ULK4: variants seen among roughly 807,000 people sequenced by gnomAD.
The protein encoded by ULK4 is unc-51 like kinase 4.
A neutral mutation model predicts 160.6 loss-of-function variants in ULK4; 133 were observed. That is an observed-to-expected ratio of 0.83 (90% CI 0.72 to 0.96). ULK4 has a LOEUF of 0.96. ULK4 is among the 40% of genes least tolerant of loss of function. The pLI, the probability that ULK4 is intolerant of heterozygous loss-of-function variation, is 0.00. For missense variants in ULK4, 1,580 were observed against 1,499.5 expected (o/e 1.05, Z -0.89); for synonymous variants, 534 against 539.8 (o/e 0.99, Z 0.15).
At chr3:41,372,146 G>C (rs1027697214) in intron 35 of ULK4, among the ~76,000 whole-genome samples, 2 of 152,066 alleles carry the variant, frequency 1.3e-5, no homozygotes, top group Non-Finnish European at 2.9e-5. Flanking sequence ...GGGATTATGT[G>C]AAAAGACCAA....
intron 34 of ULK4, among the ~76,000 whole-genome samples, chr3:41,404,499 G>A (rs954315684): frequency 2.0e-5 from 3 of 152,080 alleles, no homozygotes; most frequent in African/African-American, 7.2e-5. Context: ...TAGATAGCAT[G>A]CTGTTGGATC....
intron 2 of ULK4, among the ~76,000 whole-genome samples, chr3:41,943,079 G>C (rs1700008847): frequency 6.6e-6 from 1 of 151,974 alleles, no homozygotes; most frequent in East Asian, 1.9e-4. Context: ...CGGGCATGGT[G>C]GTGGGCACCT....
intron 21 of ULK4, chr3:41,766,826 G>A (rs1157125427): frequency 2.6e-5 from 4 of 152,220 alleles, no homozygotes; most frequent in African/African-American, 9.7e-5. Flanking sequence ...CCATGAGGGA[G>A]GAAGGGGACA....
intron 32 of ULK4, among the ~76,000 whole-genome samples, chr3:41,519,648 C>T (rs913704504): frequency 6.6e-6 from 1 of 152,104 alleles, no homozygotes; most frequent in Non-Finnish European, 1.5e-5. Flanking sequence ...AAGCCTTAAA[C>T]ATAAGACACA....
intron 30 of ULK4, among the ~76,000 whole-genome samples, chr3:41,624,038 C>T (rs1681930348): frequency 6.6e-6 from 1 of 151,970 alleles, no homozygotes. Flanking sequence ...TCAATGAAAA[C>T]AGTTTTGGTG....
At chr3:41,531,273 C>G (rs2086301331) in intron 32 of ULK4, among the ~76,000 whole-genome samples, 1 of 150,776 alleles carries the variant, frequency 6.6e-6, no homozygotes, top group Non-Finnish European at 1.5e-5. Flanking sequence ...AACCCTGTCT[C>G]TACTAAAAAT....
intron 19 of ULK4, among the ~76,000 whole-genome samples, chr3:41,807,313 T>C (rs2040676078): frequency 1.3e-5 from 2 of 152,160 alleles, no homozygotes; most frequent in African/African-American, 2.4e-5. Flanking sequence ...ATGATTATAA[T>C]AGGTCTTGGA....
Position 41,374,530 on chromosome 3 carries a change from A to G in ULK4, c.3678+23549T>C, listed in dbSNP as rs187246399. ...TCCATCATAGAAAAAGAACCCATGG[A>G]AAAAAACACATGATTATCTCAATAG... On this transcript the variant is annotated intron_variant, in intron 35 of 36. Coordinates refer to ENST00000301831, the MANE Select transcript of ULK4 (RefSeq NM_017886.4). Among the ~76,000 whole-genome samples, 148 of 152,122 alleles carry G rather than the reference A, an allele frequency of 9.7e-4. 1 individual carries two copies. The highest frequency in any genetic ancestry group is 1.7e-3 in the Non-Finnish European group (117 of 67,930).
intron 20 of ULK4, among the ~76,000 whole-genome samples, chr3:41,793,139 T>C (rs368101022): frequency 1.3e-5 from 2 of 151,808 alleles, no homozygotes; most frequent in African/African-American, 4.8e-5. Flanking sequence ...TGCCACTGCA[T>C]TCCAGCCTGG....
intron 17 of ULK4, among the ~76,000 whole-genome samples, chr3:41,844,915 T>G (rs2042029364): frequency 1.3e-5 from 2 of 152,062 alleles, no homozygotes; most frequent in South Asian, 4.1e-4. Context: ...TGTAAATGGA[T>G]GTTTATAGCA....
chr3:41,867,126 GTTCA>G (rs1288766756), intron 17 of ULK4, among the ~76,000 whole-genome samples: 4 of 152,104 alleles, frequency 2.6e-5, no homozygotes, highest in Admixed American at 2.6e-4. Flanking sequence ...TACTTATCGA[GTTCA>G]TTGAGTTCAG....
intron 34 of ULK4, among the ~76,000 whole-genome samples, chr3:41,403,151 CA>C (rs34741515): frequency 0.21 from 28,069 of 133,166 alleles, 2,695 homozygotes; most frequent in Admixed American, 0.24. Context: ...AACTCCGTCT[CA>C]AAAAAAAAAA....
rs1281974360 is a variant in ULK4, at chr3:41,493,524, A to G, written c.3227-30271T>C. ...TGACATCACAATTAAAAGAACTAGA[A>G]AAGCAAGAGCAAACACATTCAAAAG... is the stretch of plus-strand genomic sequence containing the variant. On this transcript the variant is annotated intron_variant, in intron 32 of 36. Coordinates refer to ENST00000301831, the MANE Select transcript of ULK4 (RefSeq NM_017886.4). Among the ~76,000 whole-genome samples the G allele has an allele frequency of 5.7e-5, 7 of 122,060 alleles. 1 individual carries two copies. Among genetic ancestry groups the G allele is most frequent in the African/African-American group, 1.9e-4 (6 of 31,960 alleles). The allele number at this position is 122,060 out of a possible 152,430, so 80.1% of individuals were successfully genotyped here. A position where few individuals can be genotyped will look rare whatever the true frequency, so the allele number is the denominator to read the frequency against.
chr3:41,459,720 T>C (rs1383677218), intron 33 of ULK4, among the ~76,000 whole-genome samples: 1 of 152,120 alleles, frequency 6.6e-6, no homozygotes, highest in East Asian at 1.9e-4. Context: ...AGTACAAATA[T>C]TTCACATGTG....
In ULK4 at chr3:41,647,969, C is replaced by T. The variant is rs536047538; in HGVS notation, c.3071+15638G>A. ...CTCAGACTGCTGTGCTAGCAATCAG[C>T]GAGACTCCGTGGGCGTAGGACCCTC... On this transcript the variant is annotated intron_variant, in intron 30 of 36. Transcript: ENST00000301831. Among the ~76,000 whole-genome samples the T allele has an allele frequency of 8.9e-4, 136 of 152,254 alleles. 1 individual carries two copies. The highest frequency in any genetic ancestry group is 5.3e-3 in the Admixed American group (81 of 15,300).
chr3:41,719,674 C>T (rs2037384044), intron 22 of ULK4, among the ~76,000 whole-genome samples: 1 of 152,156 alleles, frequency 6.6e-6, no homozygotes, highest in Non-Finnish European at 1.5e-5. Context: ...ACCATATTTC[C>T]TTCTCCTGGA....
chr3:41,485,989 G>C (rs560922852), intron 32 of ULK4, among the ~76,000 whole-genome samples: 1 of 152,210 alleles, frequency 6.6e-6, no homozygotes, highest in Non-Finnish European at 1.5e-5. Flanking sequence ...TCTCCGGATG[G>C]CTCTAAACAT....
chr3:41,399,387 A>AT (rs1426903519), intron 34 of ULK4, among the ~76,000 whole-genome samples: 1 of 152,142 alleles, frequency 6.6e-6, no homozygotes, highest in African/African-American at 2.4e-5. Flanking sequence ...TTCTTTATAT[A>AT]TTTTAAATAC....
intron 12 of ULK4, among the ~76,000 whole-genome samples, chr3:41,903,178 G>A (rs551080782): frequency 2.0e-4 from 31 of 152,270 alleles, no homozygotes; most frequent in Admixed American, 1.6e-3. Context: ...ATATTGGTCC[G>A]TAAAGTAAGA....
Sources: allele counts gnomAD v4.1 joint callset (sites outside exome capture counted in the v4.1 genomes callset), GRCh38; gene constraint gnomAD v4.1.1; transcripts MANE v1.5; gene names NCBI Gene and HGNC (gene_info 2026-07-23, HGNC 2026-07-21).